MAN2A2: variants seen among roughly 807,000 people sequenced by gnomAD.
MAN2A2 encodes the protein mannosidase alpha class 2A member 2.
In MAN2A2, 79 loss-of-function variants were observed where a neutral mutation model predicts 126.8. The observed-to-expected ratio is 0.62, with a 90% CI of 0.52 to 0.75. The LOEUF is 0.75. Among genes scored for constraint, MAN2A2 ranks in the 30% least tolerant of loss-of-function variants. The pLI is 0.00. For synonymous variants in MAN2A2, 671 were observed against 618.7 expected (o/e 1.08, Z -1.25); for missense variants, 1,392 against 1,522.4 (o/e 0.91, Z 1.43).
chr15:90,919,927 T>C lies in MAN2A2; in HGVS notation c.*140T>C. 9.7e-7 allele frequency: 1 copy of C among 1,025,858 alleles called. No homozygotes were observed. The highest frequency in any genetic ancestry group is 1.4e-6 in the Non-Finnish European group (1 of 710,650). 63.5% of individuals were successfully genotyped at this position (1,025,858 alleles called of 1,614,324 possible). On this transcript the variant is annotated 3_prime_UTR_variant, in exon 23 of 23. Transcript: ENST00000559717. Reference sequence around the variant, plus strand: ...CACTGGGCTCTGCCCTCATTTTCTGTTTATTGCTGCTGCTGTGTTTTCGGC... The same window carrying C: ...CACTGGGCTCTGCCCTCATTTTCTGCTTATTGCTGCTGCTGTGTTTTCGGC...
At position 90,907,441 on chromosome 15, in the gene MAN2A2, A is replaced by G. The variant is rs773086531; in HGVS notation, c.1142A>G (p.Asn381Ser). The G allele has an allele frequency of 5.6e-6, 9 of 1,613,840 alleles. No individual in the cohort carries two copies. The highest frequency in any genetic ancestry group is 4.4e-5 in the South Asian group (4 of 91,092). ...AAACGCCTGCCTGGTGGGCGCATCA[A>G]CTGCCCTTGGAAGGTGCCACCCCGG... is the stretch of plus-strand genomic sequence containing the variant. ...DFKRLPGGRI[N>S]CPWKVPPRAI... is the part of the protein sequence containing the mutation. Residue 381 changes from asparagine (N) to serine (S), a missense_variant, in exon 8 of 23, where the codon AAC (asparagine) becomes AGC (serine). Asn to Ser is a conservative substitution (Grantham distance 46, BLOSUM62 1). Transcript: ENST00000559717.
In MAN2A2 at chr15:90,910,938, C is replaced by T. The variant is rs142815948; in HGVS notation, c.1852C>T (p.Pro618Ser). 469 of 1,614,032 alleles carry T rather than the reference C, an allele frequency of 2.9e-4. No individual in the cohort carries two copies. Among genetic ancestry groups the T allele is most frequent in the Non-Finnish European group, 3.7e-4 (431 of 1,179,936 alleles). Reference protein sequence around the residue: ...LGDKETYHFDPEAPFLQVDDT... With the variant: ...LGDKETYHFDSEAPFLQVDDT... ...GGACAAGGAGACCTACCACTTTGAC[C>T]CTGAGGCGCCCTTCCTCCAAGTGGT... The change falls in exon 12 of 23, where the codon CCT (proline) becomes TCT (serine). Residue 618 changes from proline (P) to serine (S), a missense_variant. Pro to Ser is a moderately conservative substitution (Grantham distance 74, BLOSUM62 -1). Coordinates refer to ENST00000559717, the MANE Select transcript of MAN2A2 (RefSeq NM_006122.4).
chr15:90,905,328 T>C lies in MAN2A2; in HGVS notation c.210T>C (p.His70=), dbSNP rs1214831940. Reference sequence around the variant, plus strand: ...AGGAGAACCATGAGATTATCAGCCATATCAAGGACTCCGTGCTGGAGCTGA... The same window carrying C: ...AGGAGAACCATGAGATTATCAGCCACATCAAGGACTCCGTGCTGGAGCTGA... ...LLEENHEIIS[H]IKDSVLELTA... is the part of the protein sequence containing the mutation. The change falls in exon 3 of 23, where the codon CAT becomes CAC. Residue 70 remains histidine (H), a synonymous_variant. Transcript: ENST00000559717. 2 of 1,613,786 alleles carry C rather than the reference T, an allele frequency of 1.2e-6. No homozygotes were observed. The highest frequency in any genetic ancestry group is 1.7e-6 in the Non-Finnish European group (2 of 1,180,042).
Position 90,913,630 on chromosome 15 carries a change from A to G in MAN2A2, c.2735A>G (p.Tyr912Cys). 4 of 1,612,744 alleles carry G rather than the reference A, an allele frequency of 2.5e-6. No individual in the cohort carries two copies. Among genetic ancestry groups the G allele is most frequent in the Non-Finnish European group, 3.4e-6 (4 of 1,179,590 alleles). The change falls in exon 19 of 23, where the codon TAT (tyrosine) becomes TGT (cysteine). Residue 912 changes from tyrosine to cysteine, a missense_variant. Tyr to Cys is a radical substitution (Grantham distance 194). Transcript: ENST00000559717. ...CCCCCACAGGTGCAGCCCCGACGGT[A>G]TCTGAAGAAGCTCCCCCTCCAGGCC... is the stretch of plus-strand genomic sequence containing the variant. ...LNGFQVQPRR[Y>C]LKKLPLQANF...
chr15:90,907,010 A>C, intron 7 of MAN2A2, 97 bp downstream of exon 7: 4 of 1,447,842 alleles, frequency 2.8e-6, no homozygotes, highest in Non-Finnish European at 3.8e-6. Flanking sequence ...TCTTCAGAGC[A>C]GACCTGCAGG....
Position 90,919,671 on chromosome 15 carries a change from G to A in MAN2A2, c.3337G>A (p.Val1113Ile), listed in dbSNP as rs762962731. 19 of 1,614,080 alleles carry A rather than the reference G, an allele frequency of 1.2e-5. No individual in the cohort carries two copies. The highest frequency in any genetic ancestry group is 2.2e-5 in the East Asian group (1 of 44,902). Residue 1113 changes from valine (V) to isoleucine (I), a missense_variant, in exon 23 of 23, where the codon GTA (valine) becomes ATA (isoleucine). Transcript: ENST00000559717. Reference protein sequence around the residue: ...LGSLFHGLDVVFLQPTSLTLL... With the variant: ...LGSLFHGLDVIFLQPTSLTLL... ...CAGCCTTTTCCATGGCCTGGATGTG[G>A]TATTCCTTCAGCCAACCTCCTTGAC...
Position 90,910,550 on chromosome 15 carries a change from G to T in MAN2A2, c.1627G>T (p.Gly543Cys), listed in dbSNP as rs1364441374. Residue 543 changes from glycine (G) to cysteine (C), a missense_variant, in exon 11 of 23, where the codon GGT becomes TGT. Physicochemically the swap from Gly to Cys is radical, Grantham distance 159 (BLOSUM62 -3). Coordinates refer to ENST00000559717, the MANE Select transcript of MAN2A2 (RefSeq NM_006122.4). ...GGCTGCAGCTCACGCTCGCCGCTCT[G>T]GTCTGGCTGGCCGGTACCCACTGTC... is the stretch of plus-strand genomic sequence containing the variant. ...SLAAAHARRSGLAGRYPLSDF... is the reference protein window; with the variant it reads ...SLAAAHARRSCLAGRYPLSDF... The T allele has an allele frequency of 6.2e-7, 1 of 1,614,118 alleles. No individual in the cohort carries two copies. Among genetic ancestry groups the T allele is most frequent in the Admixed American group, 1.7e-5 (1 of 60,026 alleles).
chr15:90,913,422 G>A lies in MAN2A2; in HGVS notation c.2718+16G>A. On this transcript the variant is annotated intron_variant, in intron 18 of 22. Transcript: ENST00000559717. ...TGGCTTTCAGGTGACTCCTGGGCCT[G>A]GGTCTCGGAGACCCCACAGAGTAGA... 6.3e-7 allele frequency: 1 copy of A among 1,579,858 alleles called. No individual in the cohort carries two copies. Among genetic ancestry groups the A allele is most frequent in the Non-Finnish European group, 8.7e-7 (1 of 1,149,196 alleles).
rs1275490174 is a variant in MAN2A2 at position 90,912,949 on chromosome 15, T to C, written c.2542T>C (p.Tyr848His). 6.2e-7 allele frequency: 1 copy of C among 1,613,974 alleles called. No homozygotes were observed. Among genetic ancestry groups the C allele is most frequent in the African/African-American group, 1.3e-5 (1 of 74,930 alleles). The change falls in exon 17 of 23, where the codon TAT (tyrosine) becomes CAT (histidine). Residue 848 changes from tyrosine to histidine, a missense_variant. Tyr to His is a moderately conservative substitution (Grantham distance 83). Transcript: ENST00000559717. The stretch of plus-strand genomic sequence containing the variant: ...TTTCTTCTCAGAGGTGGTTGCGTAC[T>C]ATGAGCACATTCACCAGGCGGTCCG... ...GPFFSEVVAY[Y>H]EHIHQAVRLY...
chr15:90,905,762 G>A lies in MAN2A2; in HGVS notation c.535+39G>A, dbSNP rs373319048. On this transcript the variant is annotated intron_variant, in intron 4 of 22. Coordinates refer to ENST00000559717, the MANE Select transcript of MAN2A2 (RefSeq NM_006122.4). ...AGACTCCTGGGAGCTGGAGTGTGGAGTGGGATTTCTGATGGCCAATACAAG... is the reference window on the plus strand; with the variant it reads ...AGACTCCTGGGAGCTGGAGTGTGGAATGGGATTTCTGATGGCCAATACAAG... 2.2e-5 allele frequency: 35 copies of A among 1,610,352 alleles called. No individual in the cohort carries two copies. In the African/African-American group the frequency reaches 4.3e-4, roughly 20 times the overall value.
In MAN2A2 at chr15:90,918,193, G is replaced by C; in HGVS notation, c.2995-1G>C. 6.2e-7 allele frequency: 1 copy of C among 1,611,724 alleles called. No homozygotes were observed. Among genetic ancestry groups the C allele is most frequent in the Non-Finnish European group, 8.5e-7 (1 of 1,178,376 alleles). ...ACCAATATCTCGGGTCAATTTTGCA[G>C]GTCCAAGATAGCCACTCTACCAGCT... On this transcript the variant is annotated splice_acceptor_variant, in intron 20 of 22. Coordinates refer to ENST00000559717, the MANE Select transcript of MAN2A2 (RefSeq NM_006122.4). LOFTEE classifies it high-confidence loss of function.
rs943987720 is a variant in MAN2A2, at chr15:90,920,915, G to A, written c.*1128G>A. The A allele has an allele frequency of 6.6e-6, 1 of 152,194 alleles. No individual in the cohort carries two copies. Among genetic ancestry groups the A allele is most frequent in the Admixed American group, 6.5e-5 (1 of 15,272 alleles). The allele number at this position is 152,194 out of a possible 1,614,324, so 9.4% of individuals were successfully genotyped here. A position where few individuals can be genotyped will look rare whatever the true frequency, so the allele number is the denominator to read the frequency against. ...TAGATGCTGAAAAGGTATTTCGTAA[G>A]ATTTAAAATCCATCCCTTATTAAAA... On this transcript the variant is annotated 3_prime_UTR_variant, in exon 23 of 23. Coordinates refer to ENST00000559717, the MANE Select transcript of MAN2A2 (RefSeq NM_006122.4).
At chr15:90,911,824 T>C in intron 14 of MAN2A2, 1 of 612,322 alleles carries the variant, frequency 1.6e-6, no homozygotes, top group Non-Finnish European at 2.9e-6. Flanking sequence ...ATCGAAAGCT[T>C]AATGTGTTGT....
rs2034709406 is a variant in MAN2A2 at position 90,911,254 on chromosome 15, C to T, written c.1943+16C>T. The T allele has an allele frequency of 6.2e-7, 1 of 1,614,000 alleles. No individual in the cohort carries two copies. Among genetic ancestry groups the T allele is most frequent in the East Asian group, 2.2e-5 (1 of 44,878 alleles). On this transcript the variant is annotated intron_variant, in intron 13 of 22. Transcript: ENST00000559717. ...CCTCGCCCAGGTAACCTGGACTACG[C>T]CATGTGCAGAGAGGCAGAGCCATTC...
intron 19 of MAN2A2, among the ~76,000 whole-genome samples, chr15:90,915,145 A>G (rs1360119253): frequency 6.6e-6 from 1 of 152,208 alleles, no homozygotes; most frequent in East Asian, 1.9e-4. Context: ...ACTGCAGCCC[A>G]ATATCCCTCA....
chr15:90,906,376 G>T lies in MAN2A2; in HGVS notation c.714G>T (p.Val238=). 6.2e-7 allele frequency: 1 copy of T among 1,614,134 alleles called. No homozygotes were observed. Among genetic ancestry groups the T allele is most frequent in the Non-Finnish European group, 8.5e-7 (1 of 1,179,994 alleles). The change falls in exon 6 of 23, where the codon GTG becomes GTT. Residue 238 remains valine, a synonymous_variant. Transcript: ENST00000559717. ...VQKRAAVRRL[V]GNGQLEIATG... is the part of the protein sequence containing the mutation. ...TGTGAGTCCTTAACTATAGGCTGGT[G>T]GGAAACGGGCAGCTGGAGATTGCGA... is the stretch of plus-strand genomic sequence containing the variant.
Position 90,913,768 on chromosome 15 carries a change from C to G in MAN2A2, c.2860+13C>G, listed in dbSNP as rs1009830827. 2 of 1,581,124 alleles carry G rather than the reference C, an allele frequency of 1.3e-6. No individual in the cohort carries two copies. The highest frequency in any genetic ancestry group is 1.7e-6 in the Non-Finnish European group (2 of 1,162,360). On this transcript the variant is annotated intron_variant, in intron 19 of 22. Coordinates refer to ENST00000559717, the MANE Select transcript of MAN2A2 (RefSeq NM_006122.4). ...AGCCTCAAAGATGGTGAGTAGGGCC[C>G]AGGAGTTCTGCAGAGGGTATCAGAC... is the stretch of plus-strand genomic sequence containing the variant.
chr15:90,911,677 C>T (rs2034756832), intron 14 of MAN2A2, 127 bp downstream of exon 14: 1 of 1,097,116 alleles, frequency 9.1e-7, no homozygotes. Context: ...GACAAGTGTC[C>T]TGGGGAGGGG....
intron 19 of MAN2A2, chr15:90,915,597 T>C (rs944441237): frequency 5.9e-5 from 9 of 152,602 alleles, no homozygotes; most frequent in African/African-American, 1.9e-4. Flanking sequence ...GAGCCCTACT[T>C]TTAACACACA....
Sources: allele counts gnomAD v4.1 joint callset (sites outside exome capture counted in the v4.1 genomes callset), GRCh38; gene constraint gnomAD v4.1.1; transcripts MANE v1.5; gene names NCBI Gene and HGNC (gene_info 2026-07-23, HGNC 2026-07-21).